The following SGMS1 variants were observed in gnomAD, a reference collection of about 807,000 sequenced individuals.
SGMS1 encodes the protein phosphatidylcholine:ceramide cholinephosphotransferase 1.
In SGMS1, 13 loss-of-function variants were observed where a neutral mutation model predicts 46.2. The ratio of observed to expected loss-of-function variants is 0.28; its 90% CI spans 0.18 to 0.45. SGMS1 has a LOEUF of 0.45. Among genes scored for constraint, SGMS1 ranks in the 20% least tolerant of loss-of-function variants. SGMS1 has a pLI of 1.00. For synonymous variants in SGMS1, 203 were observed against 187.8 expected (o/e 1.08, Z -0.66); for missense variants, 324 against 519.9 (o/e 0.62, Z 3.66).
intron 6 of SGMS1, among the ~76,000 whole-genome samples, chr10:50,415,823 A>G (rs184976917): frequency 2.3e-4 from 35 of 152,318 alleles, no homozygotes; most frequent in African/African-American, 7.7e-4. Flanking sequence ...CTAGGTGCTA[A>G]CGTAAATTTA....
At chr10:50,603,494 G>A (rs1037323258) in intron 1 of SGMS1, among the ~76,000 whole-genome samples, 3 of 152,154 alleles carry the variant, frequency 2.0e-5, no homozygotes, top group African/African-American at 7.2e-5. Context: ...ATCTTACACA[G>A]AGAAAGCAGT....
upstream of SGMS1, chr10:50,624,786 C>A (rs1347085431): frequency 8.1e-6 from 8 of 986,312 alleles, no homozygotes; most frequent in Non-Finnish European, 9.6e-6. Flanking sequence ...GCTGGCCTTC[C>A]CGCCCCGATG....
intron 7 of SGMS1, among the ~76,000 whole-genome samples, chr10:50,329,764 G>A (rs1385134534): frequency 6.6e-6 from 1 of 152,102 alleles, no homozygotes; most frequent in East Asian, 1.9e-4. Flanking sequence ...AAATCACAAC[G>A]GTGCTCCCCT....
intron 2 of SGMS1, among the ~76,000 whole-genome samples, chr10:50,566,899 A>G (rs1213950487): frequency 6.6e-6 from 1 of 152,154 alleles, no homozygotes; most frequent in Non-Finnish European, 1.5e-5. Flanking sequence ...TGCTTTGTAA[A>G]TAGTTGTTAT....
At chr10:50,504,080 A>G (rs1476595297) in intron 3 of SGMS1, among the ~76,000 whole-genome samples, 2 of 152,226 alleles carry the variant, frequency 1.3e-5, no homozygotes, top group African/African-American at 4.8e-5. Flanking sequence ...GCCTACATAA[A>G]CAGTGCCCAT....
rs147782947 is a variant in SGMS1, at chr10:50,359,831, C to G, written c.-231-15486G>C. 6.0e-3 allele frequency among the ~76,000 whole-genome samples: 911 copies of G among 152,190 alleles called. 5 individuals carry two copies. The highest frequency in any genetic ancestry group is 0.01 in the Non-Finnish European group (689 of 67,990). On this transcript the variant is annotated intron_variant, in intron 6 of 10. Transcript: ENST00000361781. ...CATATTTATAGCTTTGTCACATAAA[C>G]AGGTTACAAACAAAATGTATTACTT...
In SGMS1 at chr10:50,425,285, CAGATGCATTT is replaced by C. The variant is rs569576012; in HGVS notation, c.-232+8181_-232+8190del. ...AAAATAAATCATTATACCAAAAAGA[CAGATGCATTT>C]ATATGTTCAATGCAGCACCATTCAC... On this transcript the variant is annotated intron_variant, in intron 6 of 10. Coordinates refer to ENST00000361781, the MANE Select transcript of SGMS1 (RefSeq NM_147156.4). Among the ~76,000 whole-genome samples the C allele has an allele frequency of 2.3e-4, 35 of 152,288 alleles. No individual in the cohort carries two copies. In the South Asian group the frequency reaches 6.6e-3, roughly 29 times the overall value.
intron 8 of SGMS1, among the ~76,000 whole-genome samples, chr10:50,312,703 C>A (rs951200113): frequency 6.6e-6 from 1 of 152,112 alleles, no homozygotes; most frequent in Non-Finnish European, 1.5e-5. Flanking sequence ...TAAATTAAAG[C>A]CTTTTTCATA....
At chr10:50,325,169 AAAAG>A (rs1847510929) in intron 8 of SGMS1, among the ~76,000 whole-genome samples, 1 of 152,224 alleles carries the variant, frequency 6.6e-6, no homozygotes, top group African/African-American at 2.4e-5. Flanking sequence ...TCAAAAAGAA[AAAAG>A]AAAGGAAACA....
intron 6 of SGMS1, among the ~76,000 whole-genome samples, chr10:50,370,429 TAAA>T (rs199905025): frequency 2.7e-5 from 4 of 150,390 alleles, no homozygotes; most frequent in African/African-American, 9.7e-5. Context: ...TTTTTTTACT[TAAA>T]AAATTTTTTT....
rs192394388 is a variant in SGMS1 at position 50,354,711 on chromosome 10, C to G, written c.-231-10366G>C. Among the ~76,000 whole-genome samples, 1,017 of 152,270 alleles carry G rather than the reference C, an allele frequency of 6.7e-3. 15 individuals are homozygous for G. The highest frequency in any genetic ancestry group is 0.022 in the African/African-American group (923 of 41,546). Reference sequence around the variant, plus strand: ...TACTCATCTGACAAAGGGCTAATATCCAGAATCTACAATAAACTGAAAGAC... The same window carrying G: ...TACTCATCTGACAAAGGGCTAATATGCAGAATCTACAATAAACTGAAAGAC... On this transcript the variant is annotated intron_variant, in intron 6 of 10. Coordinates refer to ENST00000361781, the MANE Select transcript of SGMS1 (RefSeq NM_147156.4).
chr10:50,352,450 T>A (rs1341338741), intron 6 of SGMS1, among the ~76,000 whole-genome samples: 3 of 152,172 alleles, frequency 2.0e-5, no homozygotes, highest in Non-Finnish European at 4.4e-5. Flanking sequence ...AGAGCCCAAA[T>A]TACTAGACAT....
At chr10:50,519,612 C>T (rs1490115203) in intron 3 of SGMS1, among the ~76,000 whole-genome samples, 1 of 152,176 alleles carries the variant, frequency 6.6e-6, no homozygotes, top group Non-Finnish European at 1.5e-5. Context: ...TTGCCTTCTC[C>T]AGTGGGGGAG....
rs377301291 is a variant in SGMS1, at chr10:50,540,382, A to G, written c.-588-20461T>C. Among the ~76,000 whole-genome samples the G allele has an allele frequency of 3.9e-5, 6 of 152,144 alleles. No individual in the cohort carries two copies. The East Asian group carries it at 1.2e-3, about 29-fold the overall frequency. ...GCCACACCTCATGCTAGATATGCCAACTCTCAGAGTATTTAGCAGCACTTA... is the reference window on the plus strand; with the variant it reads ...GCCACACCTCATGCTAGATATGCCAGCTCTCAGAGTATTTAGCAGCACTTA... On this transcript the variant is annotated intron_variant, in intron 2 of 10. Transcript: ENST00000361781.
intron 7 of SGMS1, among the ~76,000 whole-genome samples, chr10:50,333,336 C>T (rs575450639): frequency 6.6e-6 from 1 of 152,308 alleles, no homozygotes; most frequent in Admixed American, 6.5e-5. Flanking sequence ...TCCTTTTCTA[C>T]TTCTTTCTAC....
intron 4 of SGMS1, among the ~76,000 whole-genome samples, chr10:50,461,175 A>G (rs1343432671): frequency 6.6e-6 from 1 of 152,226 alleles, no homozygotes; most frequent in African/African-American, 2.4e-5. Flanking sequence ...ATTATCATAA[A>G]TTAAGTATAA....
intron 3 of SGMS1, among the ~76,000 whole-genome samples, chr10:50,488,606 A>G (rs1184839298): frequency 6.6e-6 from 1 of 152,216 alleles, no homozygotes; most frequent in Non-Finnish European, 1.5e-5. Context: ...ACTTTTCCCA[A>G]GTAACATTCT....
rs886368760 is a variant in SGMS1 at position 50,515,974 on chromosome 10, C to G, written c.-498+3857G>C. ...GAAATGTTTTCAGTGCCTGTCTTTC[C>G]TATAATTAGACTAGTATTACAAATA... On this transcript the variant is annotated intron_variant, in intron 3 of 10. Coordinates refer to ENST00000361781, the MANE Select transcript of SGMS1 (RefSeq NM_147156.4). Among the ~76,000 whole-genome samples, 3 of 152,130 alleles carry G rather than the reference C, an allele frequency of 2.0e-5. No homozygotes were observed. In the East Asian group the frequency reaches 5.8e-4, roughly 29 times the overall value.
chr10:50,354,322 C>G (rs9852065), intron 6 of SGMS1, among the ~76,000 whole-genome samples: 1 of 151,996 alleles, frequency 6.6e-6, no homozygotes, highest in Non-Finnish European at 1.5e-5. Flanking sequence ...ACAAACCTGA[C>G]AAAAACAAGA....
Sources: allele counts gnomAD v4.1 joint callset (sites outside exome capture counted in the v4.1 genomes callset), GRCh38; gene constraint gnomAD v4.1.1; transcripts MANE v1.5; gene names NCBI Gene and HGNC (gene_info 2026-07-23, HGNC 2026-07-21).